Variants in EXOC4 observed in about 807,000 individuals in gnomAD.
EXOC4 encodes SEC8-like 1.
Under a neutral mutation model 107.2 loss-of-function variants are expected in EXOC4, and 71 were observed. That is an observed-to-expected ratio of 0.66 (90% CI 0.55 to 0.81). EXOC4 has a LOEUF of 0.81. EXOC4 is among the 30% of genes least tolerant of loss of function. The probability of loss-of-function intolerance (pLI) is 0.00; values close to 1 mark genes in which losing one functional copy is unlikely to be tolerated. For missense variants in EXOC4, 1,108 were observed against 1,189.6 expected, an observed-to-expected ratio of 0.93 and a Z score of 1.01; for synonymous variants, 456 against 441.2, an observed-to-expected ratio of 1.03 and a Z score of -0.42.
intron 5 of EXOC4, among the ~76,000 whole-genome samples, chr7:133,321,829 C>T (rs1285894420): frequency 3.3e-5 from 5 of 152,194 alleles, no homozygotes; most frequent in Non-Finnish European, 5.9e-5. Context: ...AACTAATTTA[C>T]ACTCCCACCA....
At chr7:133,411,704 T>C (rs1270421263) in intron 7 of EXOC4, among the ~76,000 whole-genome samples, 1 of 152,102 alleles carries the variant, frequency 6.6e-6, no homozygotes, top group African/African-American at 2.4e-5. Flanking sequence ...TAAACATGTA[T>C]TGACATTCTC....
chr7:133,436,554 A>G lies in EXOC4; in HGVS notation c.1183-38774A>G, dbSNP rs529733696. 5.3e-5 allele frequency among the ~76,000 whole-genome samples: 8 copies of G among 152,040 alleles called. No individual in the cohort carries two copies. The South Asian group carries it at 1.7e-3, about 32-fold the overall frequency. ...ATATCTTATGGGATACTCTACTGGC[A>G]TAATACTTCTTTACTAAAGCCTAGA... On this transcript the variant is annotated intron_variant, in intron 7 of 17. Coordinates refer to ENST00000253861, the MANE Select transcript of EXOC4 (RefSeq NM_021807.4).
intron 9 of EXOC4, among the ~76,000 whole-genome samples, chr7:133,612,688 T>C (rs1045119564): frequency 2.0e-5 from 3 of 152,184 alleles, no homozygotes; most frequent in African/African-American, 7.2e-5. Flanking sequence ...AGGCCAGTAA[T>C]GCAGGAGGCA....
chr7:133,324,737 A>G (rs1474150165), intron 5 of EXOC4, among the ~76,000 whole-genome samples: 1 of 152,220 alleles, frequency 6.6e-6, no homozygotes, highest in Non-Finnish European at 1.5e-5. Flanking sequence ...TGCTTGGTGC[A>G]GAGCTGAGTT....
At chr7:133,630,270 C>T in intron 10 of EXOC4, 129 bp downstream of exon 10, 1 of 664,574 alleles carries the variant, frequency 1.5e-6, no homozygotes. Flanking sequence ...TTTTTAGGGC[C>T]TCACTATTAA....
downstream of EXOC4, among the ~76,000 whole-genome samples, chr7:134,068,512 C>T (rs1016986655): frequency 2.8e-5 from 2 of 71,650 alleles, no homozygotes; most frequent in Non-Finnish European, 2.6e-5. Flanking sequence ...AACTGTGAGT[C>T]CATTAAACCT....
intron 7 of EXOC4, among the ~76,000 whole-genome samples, chr7:133,388,640 ACT>A: frequency 6.6e-6 from 1 of 152,144 alleles, no homozygotes; most frequent in East Asian, 1.9e-4. Flanking sequence ...ACAGAGTGAG[ACT>A]CTGTCTCAAA....
intron 9 of EXOC4, among the ~76,000 whole-genome samples, chr7:133,602,622 T>C (rs1001684249): frequency 6.6e-6 from 1 of 152,232 alleles, no homozygotes; most frequent in African/African-American, 2.4e-5. Context: ...AATTCATCTG[T>C]GATTGAATTT....
intron 5 of EXOC4, among the ~76,000 whole-genome samples, chr7:133,320,666 C>T (rs1795090854): frequency 6.6e-6 from 1 of 152,174 alleles, no homozygotes; most frequent in Non-Finnish European, 1.5e-5. Context: ...CTCTACGCTG[C>T]CCATTTTGTG....
chr7:133,464,207 G>A (rs550300660), intron 7 of EXOC4, among the ~76,000 whole-genome samples: 7 of 152,252 alleles, frequency 4.6e-5, no homozygotes, highest in Admixed American at 4.6e-4. Flanking sequence ...GGGTACATTT[G>A]CAGGATGTGC....
intron 10 of EXOC4, among the ~76,000 whole-genome samples, chr7:133,710,347 A>G (rs1337435840): frequency 6.6e-6 from 1 of 152,158 alleles, no homozygotes; most frequent in Non-Finnish European, 1.5e-5. Flanking sequence ...ATGTGGACAC[A>G]GAAACTAGTT....
At chr7:134,011,601 AC>A (rs143022915) in intron 17 of EXOC4, among the ~76,000 whole-genome samples, 4,159 of 152,062 alleles carry the variant, frequency 0.027, 99 homozygotes, top group Non-Finnish European at 0.039. Flanking sequence ...AAATTGTAAC[AC>A]CCAAGACAGA....
chr7:133,409,494 A>G (rs970251855), intron 7 of EXOC4, among the ~76,000 whole-genome samples: 2 of 152,168 alleles, frequency 1.3e-5, no homozygotes, highest in African/African-American at 4.8e-5. Context: ...AATGTTTCCA[A>G]AAATGGCCAG....
At chr7:133,581,979 A>C (rs1801287853) in intron 9 of EXOC4, among the ~76,000 whole-genome samples, 1 of 151,928 alleles carries the variant, frequency 6.6e-6, no homozygotes, top group Non-Finnish European at 1.5e-5. Flanking sequence ...TCTCGTGAGA[A>C]CTCCGTCACT....
At chr7:133,517,612 A>G (rs1020689623) in intron 9 of EXOC4, among the ~76,000 whole-genome samples, 2 of 152,100 alleles carry the variant, frequency 1.3e-5, no homozygotes, top group African/African-American at 4.8e-5. Flanking sequence ...GTGCAGGGAA[A>G]CTACCCTTTA....
chr7:133,806,112 T>C (rs926055119), intron 10 of EXOC4, among the ~76,000 whole-genome samples: 9 of 152,224 alleles, frequency 5.9e-5, no homozygotes, highest in Admixed American at 5.2e-4. Flanking sequence ...ACTAACATAG[T>C]GCCTACCTTT....
intron 10 of EXOC4, among the ~76,000 whole-genome samples, chr7:133,816,907 C>A (rs1439916734): frequency 6.6e-6 from 1 of 152,052 alleles, no homozygotes; most frequent in Non-Finnish European, 1.5e-5. Context: ...GGCCACAGAC[C>A]CGTACTGGTT....
At chr7:133,324,194 T>G (rs1157601851) in intron 5 of EXOC4, among the ~76,000 whole-genome samples, 2 of 152,192 alleles carry the variant, frequency 1.3e-5, no homozygotes, top group Admixed American at 1.3e-4. Flanking sequence ...GAAGGGTTTT[T>G]TTGGTCTCTC....
chr7:133,786,695 C>T (rs1267355869), intron 10 of EXOC4, among the ~76,000 whole-genome samples: 1 of 152,164 alleles, frequency 6.6e-6, no homozygotes, highest in African/African-American at 2.4e-5. Flanking sequence ...TTTTACTGAC[C>T]TTTATTCAAC....
Sources: gnomAD v4.1 joint callset for allele counts (sites outside exome capture counted in the v4.1 genomes callset) on GRCh38, gnomAD v4.1.1 for gene constraint, MANE v1.5 for transcripts, NCBI Gene and HGNC (gene_info 2026-07-23, HGNC 2026-07-21) for gene names.